The following PEX7 variants were observed in gnomAD, a reference collection of about 807,000 sequenced individuals.
The protein encoded by PEX7 is PTS2 receptor.
A neutral mutation model predicts 47.5 loss-of-function variants in PEX7; 34 were observed. The observed-to-expected ratio is 0.72, with a 90% CI of 0.54 to 0.95. PEX7 has a LOEUF of 0.95. PEX7 is among the 40% of genes least tolerant of loss of function. The pLI is 0.00. For synonymous variants in PEX7, 141 were observed against 148.8 expected (o/e 0.95, Z 0.38); for missense variants, 394 against 400.3 (o/e 0.98, Z 0.13).
chr6:136,866,456 TC>T (rs1378148965), intron 5 of PEX7, among the ~76,000 whole-genome samples, 170 bp from the exon 6 acceptor site: 1 of 152,206 alleles, frequency 6.6e-6, no homozygotes, highest in African/African-American at 2.4e-5. Context: ...TTGTATTCCT[TC>T]ATTTGAATAG....
At chr6:136,879,318 A>G (rs1455471861) in intron 8 of PEX7, among the ~76,000 whole-genome samples, 1 of 152,232 alleles carries the variant, frequency 6.6e-6, no homozygotes, top group East Asian at 1.9e-4. Context: ...TGATGGGCAT[A>G]GAATTCTCAT....
At chr6:136,844,810 A>C (rs1238569154) in intron 3 of PEX7, among the ~76,000 whole-genome samples, 1 of 152,154 alleles carries the variant, frequency 6.6e-6, no homozygotes, top group Admixed American at 6.5e-5. Flanking sequence ...CAGCAGAGAG[A>C]AAGTAACCCA....
intron 3 of PEX7, 76 bp from the exon 4 acceptor site, chr6:136,845,538 TG>T: frequency 1.2e-6 from 1 of 834,336 alleles, no homozygotes; most frequent in East Asian, 2.4e-5. Flanking sequence ...TGCCTCTCAT[TG>T]TTATGTAACA....
chr6:136,868,319 G>A (rs374099347), intron 6 of PEX7, among the ~76,000 whole-genome samples: 2 of 152,144 alleles, frequency 1.3e-5, no homozygotes, highest in South Asian at 2.1e-4. Context: ...TCTGTTGACC[G>A]TGACAAATAG....
chr6:136,898,095 T>G, intron 8 of PEX7, 47 bp from the exon 9 acceptor site: 1 of 1,103,950 alleles, frequency 9.1e-7, no homozygotes. Context: ...TATAAGTTTT[T>G]TGGTAGTTTT....
intron 3 of PEX7, among the ~76,000 whole-genome samples, chr6:136,837,539 A>T (rs1361702584): frequency 6.6e-6 from 1 of 152,168 alleles, no homozygotes; most frequent in Non-Finnish European, 1.5e-5. Context: ...ATTTAGAAGC[A>T]GTGACAACTG....
intron 8 of PEX7, among the ~76,000 whole-genome samples, chr6:136,873,376 G>A (rs1299895531): frequency 2.0e-5 from 3 of 152,126 alleles, no homozygotes; most frequent in Non-Finnish European, 2.9e-5. Flanking sequence ...GAGAATTAAT[G>A]TCTGGTATTC....
At chr6:136,885,515 A>G (rs1023717044) in intron 8 of PEX7, among the ~76,000 whole-genome samples, 2 of 152,152 alleles carry the variant, frequency 1.3e-5, no homozygotes, top group Non-Finnish European at 2.9e-5. Flanking sequence ...AATGTTTCCA[A>G]CTCAACTGTT....
At chr6:136,869,389 G>C (rs1054929567) in intron 6 of PEX7, among the ~76,000 whole-genome samples, 2 of 152,012 alleles carry the variant, frequency 1.3e-5, no homozygotes, top group African/African-American at 4.8e-5. Flanking sequence ...AAAATTACAG[G>C]TGTGTGTTAC....
chr6:136,853,157 C>A (rs894399553), intron 5 of PEX7, among the ~76,000 whole-genome samples: 1 of 152,194 alleles, frequency 6.6e-6, no homozygotes, highest in African/African-American at 2.4e-5. Context: ...GATGCAGCTA[C>A]GCCCGTTTAT....
At chr6:136,829,049 TG>T (rs1774247689) in intron 3 of PEX7, among the ~76,000 whole-genome samples, 1 of 152,230 alleles carries the variant, frequency 6.6e-6, no homozygotes, top group Non-Finnish European at 1.5e-5. Context: ...ATGCCTTGAA[TG>T]TTAGTGTAAT....
intron 1 of PEX7, 129 bp downstream of exon 1, chr6:136,822,924 G>T: frequency 8.3e-7 from 1 of 1,210,602 alleles, no homozygotes; most frequent in Non-Finnish European, 1.0e-6. Flanking sequence ...ACGCCAGGGG[G>T]CAGAAGAGGC....
chr6:136,889,533 T>C (rs1275860607), intron 8 of PEX7, among the ~76,000 whole-genome samples: 1 of 152,210 alleles, frequency 6.6e-6, no homozygotes, highest in Non-Finnish European at 1.5e-5. Context: ...GAACTTTGAA[T>C]TGTGCTGATT....
intron 3 of PEX7, among the ~76,000 whole-genome samples, chr6:136,843,956 A>G (rs1488357627): frequency 2.6e-5 from 4 of 152,240 alleles, no homozygotes; most frequent in African/African-American, 9.6e-5. Context: ...AATGTTTTTA[A>G]AAATAAAAAT....
intron 8 of PEX7, among the ~76,000 whole-genome samples, chr6:136,887,328 G>C (rs1775483140): frequency 6.6e-6 from 1 of 151,854 alleles, no homozygotes; most frequent in African/African-American, 2.4e-5. Context: ...ACCTCCCTGA[G>C]CCTTTGTTTC....
chr6:136,911,530 C>T (rs1775932632), intron 9 of PEX7, among the ~76,000 whole-genome samples: 1 of 151,984 alleles, frequency 6.6e-6, no homozygotes, highest in African/African-American at 2.4e-5. Context: ...CTCAGCCTCC[C>T]TAGTAGCTGG....
At chr6:136,878,700 A>G (rs1381707187) in intron 8 of PEX7, among the ~76,000 whole-genome samples, 1 of 152,124 alleles carries the variant, frequency 6.6e-6, no homozygotes, top group East Asian at 1.9e-4. Context: ...ATATATTAGG[A>G]TCTCGCTTAG....
intron 9 of PEX7, 89 bp from the exon 10 acceptor site, chr6:136,913,369 G>T: frequency 2.3e-6 from 2 of 861,408 alleles, no homozygotes; most frequent in South Asian, 1.3e-5. Flanking sequence ...GATGATTTAC[G>T]ACACTCTAAA....
At chr6:136,875,159 C>T (rs982379609) in intron 8 of PEX7, among the ~76,000 whole-genome samples, 2 of 149,056 alleles carry the variant, frequency 1.3e-5, no homozygotes, top group Non-Finnish European at 3.0e-5. Flanking sequence ...AAAAAAAGAA[C>T]TTTTTTTTTT....
Sources: gnomAD v4.1 joint callset for allele counts (sites outside exome capture counted in the v4.1 genomes callset) on GRCh38, gnomAD v4.1.1 for gene constraint, MANE v1.5 for transcripts, NCBI Gene and HGNC (gene_info 2026-07-23, HGNC 2026-07-21) for gene names.